The following MBTPS2 variants were observed in gnomAD, a reference collection of about 807,000 sequenced individuals.
The protein encoded by MBTPS2 is membrane-bound transcription factor site-2 protease.
In MBTPS2, 2 loss-of-function variants were observed where a neutral mutation model predicts 35.4. The ratio of observed to expected loss-of-function variants is 0.06; its 90% CI spans 0.02 to 0.18. The LOEUF is 0.18. MBTPS2 is among the 10% of genes least tolerant of loss of function. The pLI, the probability that MBTPS2 is intolerant of heterozygous loss-of-function variation, is 1.00. For synonymous variants in MBTPS2, 125 were observed against 140.4 expected, an observed-to-expected ratio of 0.89 and a Z score of 0.77; for missense variants, 244 against 386.5, an observed-to-expected ratio of 0.63 and a Z score of 3.09.
At chrX:21,862,829 A>G (rs1483713770) in intron 5 of MBTPS2, among the ~76,000 whole-genome samples, 55 of 95,186 alleles carry the variant, frequency 5.8e-4, no homozygotes, top group African/African-American at 2.0e-3. Flanking sequence ...AAAAACATAT[A>G]TATATAAAAA....
intron 7 of MBTPS2, 40 bp downstream of exon 7, chrX:21,869,718 C>T (rs2092944869): frequency 3.1e-6 from 3 of 974,908 alleles, no homozygotes; most frequent in Non-Finnish European, 4.4e-6. Context: ...GCTTCAAGCA[C>T]CAGTACCTGC....
chrX:21,855,344 A>T (rs1235688921), intron 5 of MBTPS2, among the ~76,000 whole-genome samples: 2 of 111,739 alleles, frequency 1.8e-5, no homozygotes, highest in African/African-American at 6.5e-5. Flanking sequence ...ATAAGAAAAT[A>T]AAAATAGCTG....
intron 1 of MBTPS2, among the ~76,000 whole-genome samples, chrX:21,840,600 G>T (rs1274729694): frequency 9.0e-6 from 1 of 111,729 alleles, no homozygotes; most frequent in Non-Finnish European, 1.9e-5. Context: ...GTACTGGGGG[G>T]TAGGGGATGG....
intron 1 of MBTPS2, among the ~76,000 whole-genome samples, chrX:21,840,969 C>T (rs2092901982): frequency 8.9e-6 from 1 of 111,864 alleles, no homozygotes; most frequent in Non-Finnish European, 1.9e-5. Flanking sequence ...CATAAAGTCT[C>T]GCTCCTCAAC....
At chrX:21,879,949 C>CT (rs60769329) in intron 9 of MBTPS2, among the ~76,000 whole-genome samples, 880 of 47,345 alleles carry the variant, frequency 0.019, 130 homozygotes, top group African/African-American at 0.076. Flanking sequence ...TTATGTTATT[C>CT]TTTTTTTTTT....
At chrX:21,851,710 A>C in intron 4 of MBTPS2, 98 bp downstream of exon 4, 2 of 615,721 alleles carry the variant, frequency 3.2e-6, no homozygotes, top group East Asian at 3.3e-5. Flanking sequence ...ATACTTCACT[A>C]TTTTTCTTTC....
chrX:21,884,878 A>G lies in MBTPS2; in HGVS notation c.*2223A>G. 1.3e-6 allele frequency: 1 copy of G among 744,111 alleles called. No individual in the cohort carries two copies. Among genetic ancestry groups the G allele is most frequent in the Non-Finnish European group, 1.6e-6 (1 of 629,819 alleles). 61.3% of individuals were successfully genotyped at this position (744,111 alleles called of 1,213,427 possible). A position where few individuals can be genotyped will look rare whatever the true frequency, so the allele number is the denominator to read the frequency against. On this transcript the variant is annotated 3_prime_UTR_variant, in exon 11 of 11. Transcript: ENST00000379484. ...TGTAAATATATGTTCACATAAAAAAATAACTTGGAGGGTCTTTGTGTCCCT... is the reference window on the plus strand; with the variant it reads ...TGTAAATATATGTTCACATAAAAAAGTAACTTGGAGGGTCTTTGTGTCCCT...
intron 9 of MBTPS2, 124 bp downstream of exon 9, chrX:21,878,816 T>C (rs916114724): frequency 1.9e-6 from 1 of 531,646 alleles, no homozygotes; most frequent in East Asian, 3.5e-5. Flanking sequence ...TATCAAAGTC[T>C]TGTTAACTTG....
intron 5 of MBTPS2, 125 bp downstream of exon 5, chrX:21,853,628 T>C: frequency 1.5e-6 from 1 of 653,034 alleles, no homozygotes; most frequent in Non-Finnish European, 2.4e-6. Context: ...AACTTCAGTT[T>C]ATAAGACCCC....
intron 9 of MBTPS2, among the ~76,000 whole-genome samples, chrX:21,879,113 A>T (rs1008140046): frequency 1.3e-4 from 15 of 112,028 alleles, no homozygotes; most frequent in Non-Finnish European, 2.6e-4. Flanking sequence ...TATACTTTCA[A>T]AACTGGGCCA....
At chrX:21,877,658 C>A (rs2092954684) in intron 7 of MBTPS2, among the ~76,000 whole-genome samples, 1 of 111,565 alleles carries the variant, frequency 9.0e-6, no homozygotes, top group Non-Finnish European at 1.9e-5. Flanking sequence ...TTTACCAGCA[C>A]CACAGTGCAG....
intron 1 of MBTPS2, among the ~76,000 whole-genome samples, chrX:21,841,365 T>C (rs1432894790): frequency 9.1e-6 from 1 of 109,309 alleles, no homozygotes; most frequent in African/African-American, 3.4e-5. Flanking sequence ...AGGTTAACAA[T>C]GAAACAAGAT....
In MBTPS2 at chrX:21,884,118, TAGATTGTATTAC is replaced by T; in HGVS notation, c.*1465_*1476del. On this transcript the variant is annotated 3_prime_UTR_variant, in exon 11 of 11. Transcript: ENST00000379484. ...TTTTAATCATTTTTAAGAAACTTTTTAGATTGTATTACAAATTTGCCTTAACAGTAATTAGAT... is the reference window on the plus strand; with the variant it reads ...TTTTAATCATTTTTAAGAAACTTTTTAAATTTGCCTTAACAGTAATTAGAT... 1.4e-6 allele frequency: 1 copy of T among 734,883 alleles called. No homozygotes were observed. The allele number at this position is 734,883 out of a possible 1,213,427, so 60.6% of individuals were successfully genotyped here. A position where few individuals can be genotyped will look rare whatever the true frequency, so the allele number is the denominator to read the frequency against.
chrX:21,844,151 A>AATAG (rs1214238896), intron 2 of MBTPS2, among the ~76,000 whole-genome samples: 2 of 105,362 alleles, frequency 1.9e-5, no homozygotes, highest in African/African-American at 3.5e-5. Flanking sequence ...TAAATAAATA[A>AATAG]ATAGAAAATA....
intron 5 of MBTPS2, among the ~76,000 whole-genome samples, chrX:21,865,347 A>G (rs1348669292): frequency 8.9e-6 from 1 of 112,026 alleles, no homozygotes; most frequent in Non-Finnish European, 1.9e-5. Context: ...ATTATGGTGT[A>G]TAGAATTTTT....
chrX:21,850,005 C>G (rs534194294), intron 3 of MBTPS2, among the ~76,000 whole-genome samples: 3 of 90,454 alleles, frequency 3.3e-5, no homozygotes, highest in Admixed American at 1.4e-4. Flanking sequence ...CCAGCCTGGG[C>G]GACAGAGCGA....
chrX:21,867,376 C>T (rs921157119), intron 5 of MBTPS2, among the ~76,000 whole-genome samples: 7 of 111,194 alleles, frequency 6.3e-5, no homozygotes, highest in Non-Finnish European at 1.3e-4. Flanking sequence ...AAAATAAATT[C>T]CAAATGGTAA....
At chrX:21,852,436 C>T (rs1307767267) in intron 4 of MBTPS2, among the ~76,000 whole-genome samples, 1 of 111,255 alleles carries the variant, frequency 9.0e-6, no homozygotes, top group African/African-American at 3.3e-5. Flanking sequence ...GCAATAAATC[C>T]TCATCTTGAC....
chrX:21,848,845 TTC>T (rs778880983), intron 3 of MBTPS2, among the ~76,000 whole-genome samples: 51 of 111,968 alleles, frequency 4.6e-4, no homozygotes, highest in African/African-American at 1.6e-3. Context: ...TAGATGAGAT[TTC>T]TGTGTCCATA....
Sources: gnomAD v4.1 joint callset for allele counts (sites outside exome capture counted in the v4.1 genomes callset) on GRCh38, gnomAD v4.1.1 for gene constraint, MANE v1.5 for transcripts, NCBI Gene and HGNC (gene_info 2026-07-23, HGNC 2026-07-21) for gene names.